FRMD4A: variants seen among roughly 807,000 people sequenced by gnomAD.
FRMD4A encodes the protein FERM domain containing 4A.
FRMD4A carries 29 observed loss-of-function variants against 129.1 expected under a neutral mutation model. The observed-to-expected ratio is 0.22, with a 90% CI of 0.17 to 0.31. The LOEUF (loss-of-function observed/expected upper bound fraction) is 0.31. FRMD4A is among the 10% of genes least tolerant of loss of function. The probability of loss-of-function intolerance (pLI) is 1.00; values close to 1 mark genes in which losing one functional copy is unlikely to be tolerated. For synonymous variants in FRMD4A, 634 were observed against 571.6 expected (o/e 1.11, Z -1.56); for missense variants, 1,272 against 1,375.8 (o/e 0.92, Z 1.19).
intron 2 of FRMD4A, among the ~76,000 whole-genome samples, chr10:14,102,782 A>AG (rs1837377367): frequency 2.0e-5 from 3 of 151,168 alleles, no homozygotes; most frequent in African/African-American, 4.9e-5. Flanking sequence ...AAAAAAAAAA[A>AG]GTCCTGCAGA....
intron 2 of FRMD4A, among the ~76,000 whole-genome samples, chr10:14,218,475 G>T (rs1054002818): frequency 1.3e-5 from 2 of 152,244 alleles, no homozygotes; most frequent in South Asian, 2.1e-4. Flanking sequence ...AAGATTTTAT[G>T]GTTTATGAAG....
At chr10:14,135,024 G>A (rs534681018) in intron 2 of FRMD4A, among the ~76,000 whole-genome samples, 1 of 152,212 alleles carries the variant, frequency 6.6e-6, no homozygotes, top group Non-Finnish European at 1.5e-5. Flanking sequence ...ACTAGAGGTT[G>A]CACATGTAAC....
At chr10:13,947,006 G>A (rs1301369439) in intron 2 of FRMD4A, among the ~76,000 whole-genome samples, 2 of 152,150 alleles carry the variant, frequency 1.3e-5, no homozygotes, top group African/African-American at 2.4e-5. Context: ...TGAGCTGTAG[G>A]ACTTCAGAGA....
At chr10:13,706,779 C>CACACACACAT (rs1554854732) in intron 13 of FRMD4A, among the ~76,000 whole-genome samples, 2 of 150,560 alleles carry the variant, frequency 1.3e-5, no homozygotes, top group Admixed American at 6.6e-5. Context: ...CACACACACA[C>CACACACACAT]GAGCCAGGGA....
Position 13,740,505 on chromosome 10 carries a change from C to T in FRMD4A, c.614+7G>A, listed in dbSNP as rs777219283. On this transcript the variant is annotated splice_region_variant and intron_variant, in intron 10 of 24. Coordinates refer to ENST00000357447, the MANE Select transcript of FRMD4A (RefSeq NM_018027.5). The stretch of plus-strand genomic sequence containing the variant: ...GTCCCCATGTGAGCTGGGAAGGGGC[C>T]ACTTACTTTACGATTGCTTGACCTC... 6.5e-7 allele frequency: 1 copy of T among 1,534,926 alleles called. No homozygotes were observed. The highest frequency in any genetic ancestry group is 1.1e-5 in the South Asian group (1 of 88,598).
intron 12 of FRMD4A, among the ~76,000 whole-genome samples, chr10:13,713,464 C>A (rs1287224507): frequency 1.3e-5 from 2 of 152,136 alleles, no homozygotes; most frequent in Non-Finnish European, 2.9e-5. Flanking sequence ...AGAAAACATA[C>A]AAACTGAAAA....
At chr10:13,958,733 G>A (rs749496920) in intron 2 of FRMD4A, among the ~76,000 whole-genome samples, 65 of 151,880 alleles carry the variant, frequency 4.3e-4, no homozygotes, top group Non-Finnish European at 7.8e-4. Context: ...TTACAGGCAT[G>A]CACCCCCACG....
At chr10:14,314,713 A>G (rs1846673212) in intron 2 of FRMD4A, among the ~76,000 whole-genome samples, 1 of 152,092 alleles carries the variant, frequency 6.6e-6, no homozygotes, top group Non-Finnish European at 1.5e-5. Context: ...CCTTGAGTTT[A>G]TAGCAATATT....
At chr10:13,956,549 A>G (rs2095411271) in intron 2 of FRMD4A, among the ~76,000 whole-genome samples, 1 of 152,246 alleles carries the variant, frequency 6.6e-6, no homozygotes, top group South Asian at 2.1e-4. Flanking sequence ...TGCCAAGTCC[A>G]TGCACGGGTA....
At chr10:14,057,488 G>A (rs7915715) in intron 2 of FRMD4A, among the ~76,000 whole-genome samples, 70,058 of 152,014 alleles carry the variant, frequency 0.46, 16,858 homozygotes, top group Middle Eastern at 0.54. Context: ...GGCAACATGA[G>A]TCAAGCAAGA....
chr10:14,298,557 G>C (rs537366650), intron 2 of FRMD4A, among the ~76,000 whole-genome samples: 1 of 152,122 alleles, frequency 6.6e-6, no homozygotes, highest in Non-Finnish European at 1.5e-5. Flanking sequence ...GAGAAGCTAC[G>C]AGTGTAGATT....
chr10:14,326,886 G>GTTTT (rs1843299120), intron 2 of FRMD4A: 10 of 398,562 alleles, frequency 2.5e-5, no homozygotes, highest in African/African-American at 1.9e-4. Context: ...GCAAAGATGG[G>GTTTT]AGAGGCAGCT....
chr10:14,312,566 T>C (rs1846587966), intron 2 of FRMD4A, among the ~76,000 whole-genome samples: 1 of 152,170 alleles, frequency 6.6e-6, no homozygotes, highest in South Asian at 2.1e-4. Flanking sequence ...TGCAGGATAG[T>C]TTATAATTAT....
chr10:13,738,237 C>CT (rs1381384539), intron 11 of FRMD4A, among the ~76,000 whole-genome samples: 19 of 151,990 alleles, frequency 1.3e-4, no homozygotes, highest in South Asian at 4.2e-4. Context: ...CTCTCTCTCT[C>CT]TTTTTTTTCC....
chr10:14,119,995 C>CT (rs34292351), intron 2 of FRMD4A, among the ~76,000 whole-genome samples: 2,733 of 131,162 alleles, frequency 0.021, 43 homozygotes, highest in East Asian at 0.047. Flanking sequence ...ATGTCATCTG[C>CT]TTTTTTTTTT....
intron 2 of FRMD4A, among the ~76,000 whole-genome samples, chr10:14,000,167 T>G (rs1455358582): frequency 1.3e-5 from 2 of 152,200 alleles, no homozygotes; most frequent in Non-Finnish European, 2.9e-5. Context: ...CACAGTTTCT[T>G]CTATATAGTT....
chr10:14,202,711 A>T (rs890831636), intron 2 of FRMD4A, among the ~76,000 whole-genome samples: 10 of 151,712 alleles, frequency 6.6e-5, no homozygotes, highest in Non-Finnish European at 8.8e-5. Context: ...ACACCTGGTT[A>T]GTTTTGACTT....
chr10:13,735,168 C>T (rs769479222), intron 12 of FRMD4A, among the ~76,000 whole-genome samples: 17 of 152,174 alleles, frequency 1.1e-4, no homozygotes, highest in Non-Finnish European at 1.9e-4. Flanking sequence ...CCACTGCGCC[C>T]GGCCACAATA....
Position 13,821,787 on chromosome 10 carries a change from G to A in FRMD4A, c.112-10879C>T, listed in dbSNP as rs1162151191. ...CCAGGATTATAGGAAGAGCCAGAGA[G>A]ACCATCTGCCCAGCCCACTTCATGA... On this transcript the variant is annotated intron_variant, in intron 3 of 24. Transcript: ENST00000357447. The surrounding 1 kb of genome is among the most constrained non-coding windows in gnomAD (Gnocchi z 4.3). 6.6e-6 allele frequency among the ~76,000 whole-genome samples: 1 copy of A among 152,114 alleles called. No homozygotes were observed. Among genetic ancestry groups the A allele is most frequent in the Non-Finnish European group, 1.5e-5 (1 of 68,030 alleles).
Sources: gnomAD v4.1 joint callset for allele counts (sites outside exome capture counted in the v4.1 genomes callset) on GRCh38, gnomAD v4.1.1 for gene constraint, Gnocchi (gnomAD v3.1) non-coding constraint, MANE v1.5 for transcripts, NCBI Gene and HGNC (gene_info 2026-07-23, HGNC 2026-07-21) for gene names.